NBAS: variants seen among roughly 807,000 people sequenced by gnomAD.
The protein encoded by NBAS is NAG/BC035112 fusion.
Under a neutral mutation model 302.5 loss-of-function variants are expected in NBAS, and 219 were observed. That is an observed-to-expected ratio of 0.72 (90% confidence interval 0.65 to 0.81). The LOEUF (loss-of-function observed/expected upper bound fraction) is 0.81. Among genes scored for constraint, NBAS ranks in the 30% least tolerant of loss-of-function variants. The probability of loss-of-function intolerance (pLI) is 0.00; values close to 1 mark genes in which losing one functional copy is unlikely to be tolerated. For missense variants in NBAS, 2,932 were observed against 2,841.6 expected, an observed-to-expected ratio of 1.03 and a Z score of -0.72; for synonymous variants, 1,118 against 1,021.6, an observed-to-expected ratio of 1.09 and a Z score of -1.80.
chr2:15,466,893 T>C (rs1679747030), intron 19 of NBAS, among the ~76,000 whole-genome samples: 2 of 148,048 alleles, frequency 1.4e-5, no homozygotes, highest in Non-Finnish European at 3.0e-5. Context: ...GCTGAGATCA[T>C]GCCACTGCAC....
the NBAS span, among the ~76,000 whole-genome samples, chr2:14,843,995 A>G: frequency 2.6e-5 from 4 of 152,138 alleles, no homozygotes; most frequent in Non-Finnish European, 5.9e-5. Context: ...CTTCTGTGTG[A>G]GTCCTAGGGC....
the NBAS span, among the ~76,000 whole-genome samples, chr2:14,801,517 C>T: frequency 1.3e-5 from 2 of 151,944 alleles, no homozygotes; most frequent in Non-Finnish European, 2.9e-5. Flanking sequence ...ATTCTATCTT[C>T]CATTTTTCAA....
chr2:14,886,034 G>A, the NBAS span, among the ~76,000 whole-genome samples: 1 of 152,192 alleles, frequency 6.6e-6, no homozygotes, highest in Non-Finnish European at 1.5e-5. Flanking sequence ...CATAGCTGGA[G>A]AGGGTGGCAG....
intron 27 of NBAS, among the ~76,000 whole-genome samples, chr2:15,395,943 T>C (rs1675843895): frequency 2.0e-5 from 3 of 152,136 alleles, no homozygotes; most frequent in Admixed American, 6.5e-5. Context: ...AGGGTTCTAA[T>C]GCAGTTTGAC....
the NBAS span, among the ~76,000 whole-genome samples, chr2:14,888,272 A>T: frequency 9.2e-5 from 14 of 152,296 alleles, no homozygotes; most frequent in East Asian, 2.7e-3. Context: ...CTTGGATTAC[A>T]GGTGTGTGCC....
intron 35 of NBAS, among the ~76,000 whole-genome samples, chr2:15,347,243 A>G (rs113575938): frequency 3.3e-5 from 5 of 152,332 alleles, no homozygotes; most frequent in South Asian, 2.1e-4. Flanking sequence ...TGGAAAACAA[A>G]AAGTTTGGCA....
intron 7 of NBAS, among the ~76,000 whole-genome samples, 184 bp from the exon 8 acceptor site, chr2:15,536,735 T>A (rs1221697812): frequency 6.6e-6 from 1 of 152,194 alleles, no homozygotes; most frequent in Non-Finnish European, 1.5e-5. Flanking sequence ...CACCCAAATC[T>A]AGACCAGCCC....
At chr2:14,898,715 C>G in the NBAS span, among the ~76,000 whole-genome samples, 1 of 152,158 alleles carries the variant, frequency 6.6e-6, no homozygotes, top group African/African-American at 2.4e-5. Context: ...TGCTGCCATC[C>G]ATATAAGACC....
At chr2:15,021,383 C>T in the NBAS span, among the ~76,000 whole-genome samples, 4 of 152,074 alleles carry the variant, frequency 2.6e-5, no homozygotes, top group Non-Finnish European at 4.4e-5. Flanking sequence ...GGAATGAACA[C>T]GGAGGAGTAC....
intron 51 of NBAS, chr2:15,178,155 A>G (rs753187059): frequency 2.1e-6 from 1 of 470,524 alleles, no homozygotes. Context: ...CCTAGAAGAT[A>G]TCCTGCCACA....
At chr2:15,112,227 T>A in the NBAS span, among the ~76,000 whole-genome samples, 1 of 150,726 alleles carries the variant, frequency 6.6e-6, no homozygotes. Context: ...AAATAGGAAA[T>A]GAGAAAATAG....
chr2:15,169,256 T>A (rs924355866), intron 51 of NBAS, among the ~76,000 whole-genome samples: 2 of 152,142 alleles, frequency 1.3e-5, no homozygotes, highest in Non-Finnish European at 1.5e-5. Context: ...AACACTTAGG[T>A]TGAACTCCAG....
the NBAS span, among the ~76,000 whole-genome samples, chr2:14,812,701 T>A: frequency 5.3e-5 from 8 of 152,212 alleles, no homozygotes; most frequent in East Asian, 1.3e-3. Context: ...GCAGTAGAAA[T>A]AAATGACAAG....
the NBAS span, among the ~76,000 whole-genome samples, chr2:14,805,637 A>G: frequency 6.6e-6 from 1 of 152,200 alleles, no homozygotes; most frequent in Admixed American, 6.5e-5. Flanking sequence ...AACAAGTGAG[A>G]TAATAGTGGC....
At chr2:15,368,032 T>C (rs980297750) in intron 31 of NBAS, among the ~76,000 whole-genome samples, 3 of 152,116 alleles carry the variant, frequency 2.0e-5, no homozygotes, top group African/African-American at 7.2e-5. Context: ...ATATTTATAA[T>C]ACACATATAT....
the NBAS span, among the ~76,000 whole-genome samples, chr2:14,821,217 G>A: frequency 2.6e-5 from 4 of 152,010 alleles, no homozygotes; most frequent in Admixed American, 6.5e-5. Flanking sequence ...GAGCCACCGC[G>A]CCCGGCCAAC....
chr2:15,282,553 C>T (rs1434490161), intron 42 of NBAS, among the ~76,000 whole-genome samples: 2 of 152,128 alleles, frequency 1.3e-5, no homozygotes, highest in African/African-American at 2.4e-5. Flanking sequence ...GTCCCTATGA[C>T]CTGGGACCCT....
chr2:15,065,514 C>T, the NBAS span, among the ~76,000 whole-genome samples: 1 of 151,996 alleles, frequency 6.6e-6, no homozygotes, highest in Non-Finnish European at 1.5e-5. Flanking sequence ...ACTCCACACA[C>T]GAAATATTGT....
At chr2:15,401,323 GC>G (rs559208679) in intron 26 of NBAS, among the ~76,000 whole-genome samples, 275 of 151,732 alleles carry the variant, frequency 1.8e-3, no homozygotes, top group African/African-American at 6.2e-3. Context: ...TCAGATATGA[GC>G]CCCCCCTCCC....
Sources: allele counts gnomAD v4.1 joint callset (sites outside exome capture counted in the v4.1 genomes callset), GRCh38; gene constraint gnomAD v4.1.1; transcripts MANE v1.5; gene names NCBI Gene and HGNC (gene_info 2026-07-23, HGNC 2026-07-21).